CSMD1: variants seen among roughly 807,000 people sequenced by gnomAD.
CSMD1 encodes the protein CUB and Sushi multiple domains 1.
In CSMD1, 213 loss-of-function variants were observed where a neutral mutation model predicts 417.5. That is an observed-to-expected ratio of 0.51 (90% CI 0.46 to 0.57). CSMD1 has a LOEUF of 0.57. Among genes scored for constraint, CSMD1 ranks in the 20% least tolerant of loss-of-function variants. CSMD1 has a pLI of 0.00. For missense variants in CSMD1, 6,923 were observed against 4,529.7 expected (o/e 1.53, Z -15.17); for synonymous variants, 2,862 against 1,736.8 (o/e 1.65, Z -16.11).
At chr8:4,169,263 G>C (rs112921276) in intron 3 of CSMD1, among the ~76,000 whole-genome samples, 1 of 152,086 alleles carries the variant, frequency 6.6e-6, no homozygotes, top group Non-Finnish European at 1.5e-5. Flanking sequence ...TGTCTGATGG[G>C]TGCCTCAATC....
chr8:4,024,031 T>C (rs1318368534), intron 4 of CSMD1, among the ~76,000 whole-genome samples: 1 of 152,038 alleles, frequency 6.6e-6, no homozygotes, highest in Admixed American at 6.6e-5. Context: ...TCTATTGCAA[T>C]TGAGAGAACA....
At position 4,695,330 on chromosome 8, in the gene CSMD1, A is replaced by G. The variant is rs184162258; in HGVS notation, c.86-57772T>C. On this transcript the variant is annotated intron_variant, in intron 1 of 69. Coordinates refer to ENST00000635120, the MANE Select transcript of CSMD1 (RefSeq NM_033225.6). ...TCCTGGCATTGAAATAACTTCATTC[A>G]GCCTACATCCATGCTTGAGAGTGAG... Among the ~76,000 whole-genome samples the G allele has an allele frequency of 1.1e-4, 16 of 152,164 alleles. No homozygotes were observed. In the East Asian group the frequency reaches 3.1e-3, roughly 29 times the overall value.
chr8:3,493,311 AAGGG>A (rs1420080631), intron 11 of CSMD1, among the ~76,000 whole-genome samples: 34 of 146,570 alleles, frequency 2.3e-4, no homozygotes, highest in African/African-American at 7.4e-4. Flanking sequence ...AAAAAAAAAA[AAGGG>A]GGGGCGGAGG....
intron 1 of CSMD1, among the ~76,000 whole-genome samples, chr8:4,678,094 C>A (rs1429360416): frequency 1.3e-5 from 2 of 152,036 alleles, no homozygotes; most frequent in Non-Finnish European, 2.9e-5. Flanking sequence ...ACTCTCTTAT[C>A]AAGCTGGAAG....
In CSMD1 at chr8:4,397,030, T is replaced by TA. The variant is rs539159310; in HGVS notation, c.415+22922dup. ...CTGTTCCCTAAAAATCTAATGAAAT[T>TA]AAAAAAAAAATAAAGAAAAATTATT... On this transcript the variant is annotated intron_variant, in intron 3 of 69. Transcript: ENST00000635120. 1.2e-3 allele frequency among the ~76,000 whole-genome samples: 177 copies of TA among 145,326 alleles called. 1 individual carries two copies. Among genetic ancestry groups the TA allele is most frequent in the East Asian group, 8.4e-3 (42 of 5,028 alleles).
At chr8:4,605,275 A>AG (rs1800806425) in intron 2 of CSMD1, among the ~76,000 whole-genome samples, 1 of 149,752 alleles carries the variant, frequency 6.7e-6, no homozygotes, top group African/African-American at 2.5e-5. Context: ...CTTTAAGAAA[A>AG]AAAGAAGAAG....
chr8:3,236,484 G>C (rs17079685), intron 26 of CSMD1, among the ~76,000 whole-genome samples: 2 of 152,288 alleles, frequency 1.3e-5, no homozygotes, highest in East Asian at 1.9e-4. Flanking sequence ...AGAATACATC[G>C]GTTGGGTCTT....
At chr8:4,251,551 T>C (rs187791086) in intron 3 of CSMD1, among the ~76,000 whole-genome samples, 334 of 152,276 alleles carry the variant, frequency 2.2e-3, no homozygotes, top group African/African-American at 7.8e-3. Context: ...AGCAATTTAA[T>C]CAGGGCAGTA....
At chr8:4,108,025 G>GTTTT (rs1491397052) in intron 3 of CSMD1, among the ~76,000 whole-genome samples, 1 of 145,858 alleles carries the variant, frequency 6.9e-6, no homozygotes, top group Non-Finnish European at 1.5e-5. Flanking sequence ...GACTGCAGGG[G>GTTTT]AGAGAGAGAG....
intron 46 of CSMD1, among the ~76,000 whole-genome samples, chr8:3,104,364 C>A (rs1585358459): frequency 6.6e-6 from 1 of 152,126 alleles, no homozygotes; most frequent in African/African-American, 2.4e-5. Context: ...GCACCCAATG[C>A]AATCCCCACT....
intron 1 of CSMD1, among the ~76,000 whole-genome samples, chr8:4,940,130 G>T (rs1004117821): frequency 3.3e-5 from 5 of 152,256 alleles, no homozygotes; most frequent in African/African-American, 1.2e-4. Flanking sequence ...GGCTCCCCCT[G>T]TGAGAGCAGG....
chr8:3,613,732 CACACA>C (rs1563200135), intron 8 of CSMD1, among the ~76,000 whole-genome samples: 4 of 138,852 alleles, frequency 2.9e-5, no homozygotes, highest in African/African-American at 5.6e-5. Context: ...CACACACACA[CACACA>C]CCTCAAAAAA....
At chr8:4,418,121 T>C (rs574318477) in intron 3 of CSMD1, among the ~76,000 whole-genome samples, 1 of 152,160 alleles carries the variant, frequency 6.6e-6, no homozygotes, top group East Asian at 1.9e-4. Flanking sequence ...ACAAAGCACC[T>C]TTTTGACAGG....
chr8:4,024,790 G>C (rs1333413221), intron 4 of CSMD1, among the ~76,000 whole-genome samples: 2 of 152,186 alleles, frequency 1.3e-5, no homozygotes, highest in African/African-American at 4.8e-5. Flanking sequence ...GTTTATGACA[G>C]CTTGTGACTG....
At chr8:4,620,037 G>C (rs919563850) in intron 2 of CSMD1, among the ~76,000 whole-genome samples, 1 of 151,876 alleles carries the variant, frequency 6.6e-6, no homozygotes, top group African/African-American at 2.4e-5. Context: ...TATAAAATTA[G>C]AATAGTATGG....
At chr8:3,733,434 T>A (rs1035032841) in intron 6 of CSMD1, among the ~76,000 whole-genome samples, 23 of 150,932 alleles carry the variant, frequency 1.5e-4, no homozygotes, top group African/African-American at 5.6e-4. Flanking sequence ...TTTGATTTGG[T>A]GTATGTATGC....
chr8:4,230,853 G>A (rs1028868464), intron 3 of CSMD1, among the ~76,000 whole-genome samples: 4 of 151,966 alleles, frequency 2.6e-5, no homozygotes, highest in Admixed American at 6.6e-5. Context: ...AGGAACAATC[G>A]ATTATAGATT....
At chr8:4,823,729 G>A (rs1045768118) in intron 1 of CSMD1, among the ~76,000 whole-genome samples, 1 of 151,856 alleles carries the variant, frequency 6.6e-6, no homozygotes, top group Non-Finnish European at 1.5e-5. Flanking sequence ...TACTACAGAA[G>A]TGAAATGAGT....
rs142294072 is a variant in CSMD1 at position 4,119,835 on chromosome 8, G to A, written c.416-87736C>T. ...ATTTATGATTTTAAAACTCCTACAC[G>A]TTTGTGTATGTTTCTGGAGACACAT... On this transcript the variant is annotated intron_variant, in intron 3 of 69. Transcript: ENST00000635120. Among the ~76,000 whole-genome samples, 378 of 152,316 alleles carry A rather than the reference G, an allele frequency of 2.5e-3. 4 individuals are homozygous for A. The highest frequency in any genetic ancestry group is 8.0e-3 in the African/African-American group (333 of 41,574).
Sources: allele counts gnomAD v4.1 joint callset (sites outside exome capture counted in the v4.1 genomes callset), GRCh38; gene constraint gnomAD v4.1.1; transcripts MANE v1.5; gene names NCBI Gene and HGNC (gene_info 2026-07-23, HGNC 2026-07-21).